TMTC2: variants seen among roughly 807,000 people sequenced by gnomAD.
TMTC2 encodes protein O-mannosyl-transferase TMTC2.
In TMTC2, 43 loss-of-function variants were observed where a neutral mutation model predicts 82.4. The observed-to-expected ratio is 0.52, with a 90% confidence interval of 0.41 to 0.67. The LOEUF is 0.67. Among genes scored for constraint, TMTC2 ranks in the 30% least tolerant of loss-of-function variants. TMTC2 has a pLI of 0.00. For synonymous variants in TMTC2, 408 were observed against 381.9 expected, an observed-to-expected ratio of 1.07 and a Z score of -0.80; for missense variants, 919 against 1,012.4, an observed-to-expected ratio of 0.91 and a Z score of 1.25.
chr12:82,858,683 T>C (rs1871381694), intron 2 of TMTC2, among the ~76,000 whole-genome samples: 1 of 152,060 alleles, frequency 6.6e-6, no homozygotes, highest in African/African-American at 2.4e-5. Flanking sequence ...GAGTGATCTC[T>C]GCTGTGCTTT....
At chr12:83,102,733 C>T (rs1196128370) in intron 11 of TMTC2, among the ~76,000 whole-genome samples, 1 of 152,132 alleles carries the variant, frequency 6.6e-6, no homozygotes, top group Non-Finnish European at 1.5e-5. Context: ...GTGTCACTTC[C>T]TCTCTTCTCT....
At chr12:82,866,952 A>G (rs1179166429) in intron 2 of TMTC2, among the ~76,000 whole-genome samples, 1 of 152,210 alleles carries the variant, frequency 6.6e-6, no homozygotes. Context: ...GTTGCATAGG[A>G]TTATAAGTTT....
intron 4 of TMTC2, among the ~76,000 whole-genome samples, chr12:82,948,373 C>CAA (rs5799599): frequency 0.16 from 13,371 of 81,200 alleles, 770 homozygotes; most frequent in Middle Eastern, 0.2. Context: ...TTAATTTAAA[C>CAA]AAAAAAAAAA....
At chr12:83,027,514 G>A (rs12300941) in intron 8 of TMTC2, among the ~76,000 whole-genome samples, 16,149 of 146,254 alleles carry the variant, frequency 0.11, 1,368 homozygotes, top group East Asian at 0.27. Context: ...TAATGCTGAT[G>A]AGGAAAAAAA....
chr12:82,790,100 G>T (rs192838422), intron 1 of TMTC2, among the ~76,000 whole-genome samples: 76 of 151,116 alleles, frequency 5.0e-4, no homozygotes, highest in African/African-American at 1.9e-3. Flanking sequence ...TACTTAGGAG[G>T]CTGAGGAGGT....
At chr12:82,836,353 G>T (rs1439889171) in intron 1 of TMTC2, among the ~76,000 whole-genome samples, 2 of 152,170 alleles carry the variant, frequency 1.3e-5, no homozygotes, top group African/African-American at 4.8e-5. Context: ...TATTATCCTG[G>T]ATTATCTGGT....
intron 1 of TMTC2, among the ~76,000 whole-genome samples, chr12:82,712,474 G>C (rs1873678319): frequency 1.3e-5 from 2 of 150,256 alleles, no homozygotes. Context: ...GTTGATGGCA[G>C]TGTGAGTGCT....
At chr12:82,988,097 A>G (rs1437979676) in intron 8 of TMTC2, among the ~76,000 whole-genome samples, 1 of 152,224 alleles carries the variant, frequency 6.6e-6, no homozygotes, top group Non-Finnish European at 1.5e-5. Flanking sequence ...GGGCAAAGAA[A>G]TTGGTGATGA....
chr12:83,011,379 G>T (rs1281718098), intron 8 of TMTC2, among the ~76,000 whole-genome samples: 2 of 152,074 alleles, frequency 1.3e-5, no homozygotes, highest in Admixed American at 6.6e-5. Context: ...GCATTTTCTT[G>T]TTGAGCAGTT....
intron 1 of TMTC2, among the ~76,000 whole-genome samples, chr12:82,802,366 G>A (rs1007163191): frequency 1.3e-5 from 2 of 152,140 alleles, no homozygotes; most frequent in South Asian, 2.1e-4. Flanking sequence ...AGCCGGCTCC[G>A]GCTTTGGCCA....
intron 1 of TMTC2, among the ~76,000 whole-genome samples, chr12:82,740,062 C>A (rs926920872): frequency 6.6e-6 from 1 of 152,068 alleles, no homozygotes; most frequent in Admixed American, 6.6e-5. Context: ...AATTGCACTT[C>A]CTACTATCAA....
At chr12:82,943,442 C>T (rs1022458327) in intron 4 of TMTC2, among the ~76,000 whole-genome samples, 4 of 152,196 alleles carry the variant, frequency 2.6e-5, no homozygotes, top group Non-Finnish European at 5.9e-5. Flanking sequence ...GCTCCCTACA[C>T]ACTTTTACAT....
At chr12:82,866,552 C>A (rs1871875082) in intron 2 of TMTC2, among the ~76,000 whole-genome samples, 1 of 152,136 alleles carries the variant, frequency 6.6e-6, no homozygotes, top group South Asian at 2.1e-4. Context: ...ATGCTATTCT[C>A]ATAACACTGT....
chr12:82,934,033 A>G (rs1682570), intron 4 of TMTC2, among the ~76,000 whole-genome samples: 12,319 of 152,130 alleles, frequency 0.081, 624 homozygotes, highest in African/African-American at 0.12. Flanking sequence ...AGTAGCTTCA[A>G]TTACCTCTGT....
chr12:83,005,468 G>T (rs755155578), intron 8 of TMTC2, among the ~76,000 whole-genome samples: 2 of 152,054 alleles, frequency 1.3e-5, no homozygotes, highest in Non-Finnish European at 2.9e-5. Flanking sequence ...TATCATATAC[G>T]TTATTGGACC....
At chr12:82,985,584 C>A (rs57549384) in intron 7 of TMTC2, among the ~76,000 whole-genome samples, 1 of 151,194 alleles carries the variant, frequency 6.6e-6, no homozygotes, top group Non-Finnish European at 1.5e-5. Context: ...TAAAAAAGAA[C>A]AAAAGAATAA....
At chr12:83,066,915 A>C (rs913108295) in intron 11 of TMTC2, among the ~76,000 whole-genome samples, 3 of 152,004 alleles carry the variant, frequency 2.0e-5, no homozygotes, top group Non-Finnish European at 4.4e-5. Flanking sequence ...CTCATGGGGC[A>C]TTCCTATCAA....
rs1238200485 is a variant in TMTC2, at chr12:83,132,678, G to A, written c.*289G>A. The A allele has an allele frequency of 3.1e-6, 1 of 327,342 alleles. No homozygotes were observed. Among genetic ancestry groups the A allele is most frequent in the African/African-American group, 2.2e-5 (1 of 45,690 alleles). 20.3% of individuals were successfully genotyped at this position (327,342 alleles called of 1,614,324 possible). The stretch of plus-strand genomic sequence containing the variant: ...GGCATTCTTAAAAAGGGAGGGGTGG[G>A]TGTGTAAGTCACAGATTTTGTTCAT... On this transcript the variant is annotated 3_prime_UTR_variant, in exon 12 of 12. Coordinates refer to ENST00000321196, the MANE Select transcript of TMTC2 (RefSeq NM_152588.3).
At chr12:83,045,951 T>G (rs1882108161) in intron 9 of TMTC2, among the ~76,000 whole-genome samples, 1 of 152,124 alleles carries the variant, frequency 6.6e-6, no homozygotes, top group Admixed American at 6.5e-5. Flanking sequence ...CCCAGAAGTA[T>G]GCCAGCCTAT....
Sources: allele counts gnomAD v4.1 joint callset (sites outside exome capture counted in the v4.1 genomes callset), GRCh38; gene constraint gnomAD v4.1.1; transcripts MANE v1.5; gene names NCBI Gene and HGNC (gene_info 2026-07-23, HGNC 2026-07-21).